The following CFAP52 variants were observed in gnomAD, a reference collection of about 807,000 sequenced individuals.
CFAP52 encodes the protein cilia- and flagella-associated protein 52.
A neutral mutation model predicts 70.5 loss-of-function variants in CFAP52; 57 were observed. That is an observed-to-expected ratio of 0.81 (90% CI 0.65 to 1.01). CFAP52 has a LOEUF of 1.01. Ranked by LOEUF, CFAP52 falls within the 50% of genes least tolerant of loss-of-function variation. The pLI, the probability that CFAP52 is intolerant of heterozygous loss-of-function variation, is 0.00. For missense variants in CFAP52, 785 were observed against 788.5 expected (o/e 1.00, Z 0.05); for synonymous variants, 267 against 292.5 (o/e 0.91, Z 0.89).
chr17:9,580,504 A>G (rs1176322072), intron 1 of CFAP52, among the ~76,000 whole-genome samples: 1 of 152,162 alleles, frequency 6.6e-6, no homozygotes, highest in East Asian at 1.9e-4. Context: ...CCTGGGCAAC[A>G]TGGTGAAACC....
downstream of CFAP52, chr17:9,645,284 C>T (rs1392469882): frequency 5.6e-6 from 1 of 177,024 alleles, no homozygotes; most frequent in African/African-American, 2.4e-5. This position sits in a 1 kb window ranked among gnomAD's most constrained non-coding sequence, Gnocchi z 6.8. Flanking sequence ...ATTTCCACTG[C>T]TTGAAGGCTG....
intron 3 of CFAP52, 105 bp downstream of exon 3, chr17:9,586,939 G>A (rs1185360723): frequency 2.9e-5 from 39 of 1,322,288 alleles, no homozygotes; most frequent in South Asian, 9.9e-5. Flanking sequence ...CTTATGTCAC[G>A]GGTTTGTTGT....
chr17:9,640,444 G>T (rs191941938), intron 12 of CFAP52, among the ~76,000 whole-genome samples: 113 of 145,358 alleles, frequency 7.8e-4, no homozygotes, highest in African/African-American at 2.8e-3. Flanking sequence ...TTCCCCACGT[G>T]TCCATCTCTT....
intron 8 of CFAP52, among the ~76,000 whole-genome samples, chr17:9,612,834 T>C (rs1028011268): frequency 6.6e-6 from 1 of 152,214 alleles, no homozygotes; most frequent in Non-Finnish European, 1.5e-5. Context: ...AAAAGCAAAA[T>C]GTATTCAGTA....
intron 6 of CFAP52, among the ~76,000 whole-genome samples, chr17:9,607,844 G>C (rs1349072501): frequency 6.6e-6 from 1 of 152,194 alleles, no homozygotes; most frequent in Non-Finnish European, 1.5e-5. Context: ...AAGTGAGCTT[G>C]TTGTTGGCAC....
At chr17:9,613,666 C>T (rs1909795755) in intron 8 of CFAP52, among the ~76,000 whole-genome samples, 1 of 151,838 alleles carries the variant, frequency 6.6e-6, no homozygotes, top group Non-Finnish European at 1.5e-5. Context: ...TACAGGCATG[C>T]ACCACCACGC....
chr17:9,641,574 CT>C, intron 12 of CFAP52, 149 bp from the exon 13 acceptor site: 1 of 531,584 alleles, frequency 1.9e-6, no homozygotes, highest in Non-Finnish European at 3.4e-6. Context: ...TTGCCACCCC[CT>C]GCTGTAGCCT....
intron 9 of CFAP52, among the ~76,000 whole-genome samples, chr17:9,631,816 G>C (rs972573899): frequency 6.6e-6 from 1 of 150,412 alleles, no homozygotes; most frequent in Non-Finnish European, 1.5e-5. Context: ...GCCCAGGCTG[G>C]GAGTGCAGTG....
chr17:9,635,371 T>G, intron 10 of CFAP52, 34 bp from the exon 11 acceptor site: 8 of 1,612,502 alleles, frequency 5.0e-6, no homozygotes, highest in Non-Finnish European at 6.8e-6. Flanking sequence ...AAGTCCCAAG[T>G]GTGGATCAAG....
chr17:9,593,286 G>A (rs2040385880), intron 3 of CFAP52, among the ~76,000 whole-genome samples: 2 of 152,166 alleles, frequency 1.3e-5, no homozygotes, highest in South Asian at 4.1e-4. Flanking sequence ...GAAGAAGGAA[G>A]TGTAACCCTA....
intron 6 of CFAP52, among the ~76,000 whole-genome samples, chr17:9,603,642 C>A (rs1909369124): frequency 6.6e-6 from 1 of 152,184 alleles, no homozygotes; most frequent in Non-Finnish European, 1.5e-5. Context: ...TGTAGACAAA[C>A]TGATTCTACA....
At chr17:9,613,993 T>G (rs1037443198) in intron 8 of CFAP52, among the ~76,000 whole-genome samples, 2 of 152,186 alleles carry the variant, frequency 1.3e-5, no homozygotes, top group African/African-American at 2.4e-5. Context: ...TCTTTTTTTT[T>G]AATAAGCACT....
chr17:9,638,031 G>C (rs1910886365), intron 11 of CFAP52, among the ~76,000 whole-genome samples: 1 of 152,210 alleles, frequency 6.6e-6, no homozygotes, highest in Non-Finnish European at 1.5e-5. Context: ...GCCAGCTTTT[G>C]GGACATCCCC....
chr17:9,645,533 T>C, downstream of CFAP52: 2 of 1,073,040 alleles, frequency 1.9e-6, no homozygotes, highest in South Asian at 9.4e-5. This position sits in a 1 kb window ranked among gnomAD's most constrained non-coding sequence, Gnocchi z 6.8. Context: ...GGCCCGCAGG[T>C]AGCCGGCACC....
At chr17:9,631,032 G>A (rs60641556) in intron 9 of CFAP52, among the ~76,000 whole-genome samples, 587 of 46,502 alleles carry the variant, frequency 0.013, 27 homozygotes, top group African/African-American at 0.028. Context: ...GAAAGAAAGA[G>A]AGAGAGAGAG....
At chr17:9,638,870 C>T in intron 12 of CFAP52, 159 bp downstream of exon 12, 1 of 645,536 alleles carries the variant, frequency 1.5e-6, no homozygotes, top group Admixed American at 2.5e-5. Context: ...TATCACCTTC[C>T]AGTGTCTTCA....
In CFAP52 at chr17:9,632,980, A is replaced by G; in HGVS notation, c.1267A>G (p.Ile423Val). 6.2e-7 allele frequency: 1 copy of G among 1,614,258 alleles called. No individual in the cohort carries two copies. Among genetic ancestry groups the G allele is most frequent in the Non-Finnish European group, 8.5e-7 (1 of 1,180,042 alleles). ...NNAHRIGVTA[I>V]ATTSDCKRVI... ...TGCTCACAGGATCGGCGTCACCGCC[A>G]TCGCCACCACCAGTGACTGTAAAAG... Residue 423 changes from isoleucine (I) to valine (V), a missense_variant, in exon 10 of 14, where the codon ATC becomes GTC. Physicochemically the swap from Ile to Val is conservative, Grantham distance 29. Transcript: ENST00000352665.
chr17:9,628,773 C>A lies in CFAP52; in HGVS notation c.1127C>A (p.Thr376Asn), dbSNP rs1332041599. ...ELLRITVPNMTCHGIDFMRDG... is the reference protein window; with the variant it reads ...ELLRITVPNMNCHGIDFMRDG... ...CTGCGGATCACCGTGCCCAACATGA[C>A]CTGCCACGGCATCGACTTCATGAGG... Residue 376 changes from threonine (T) to asparagine (N), a missense_variant, in exon 9 of 14, where the codon ACC (threonine) becomes AAC (asparagine). Coordinates refer to ENST00000352665, the MANE Select transcript of CFAP52 (RefSeq NM_145054.5). 10 of 1,614,050 alleles carry A rather than the reference C, an allele frequency of 6.2e-6. No homozygotes were observed. The highest frequency in any genetic ancestry group is 8.5e-6 in the Non-Finnish European group (10 of 1,180,038).
At chr17:9,596,664 C>A (rs1337119619) in intron 4 of CFAP52, among the ~76,000 whole-genome samples, 4 of 151,532 alleles carry the variant, frequency 2.6e-5, no homozygotes, top group Admixed American at 2.0e-4. Context: ...CAACTCAATA[C>A]CTTGAAAAAA....
Sources: allele counts gnomAD v4.1 joint callset (sites outside exome capture counted in the v4.1 genomes callset), GRCh38; gene constraint gnomAD v4.1.1; non-coding constraint Gnocchi (gnomAD v3.1); transcripts MANE v1.5; gene names NCBI Gene and HGNC (gene_info 2026-07-23, HGNC 2026-07-21).